Variants in WSCD1 observed in about 807,000 individuals in gnomAD.
WSCD1 encodes the protein WSC domain sialate O sulfotransferase 1, also known as sialate:O-sulfotransferase 1.
A neutral mutation model predicts 60.4 loss-of-function variants in WSCD1; 41 were observed. The observed-to-expected ratio is 0.68, with a 90% CI of 0.53 to 0.88. The LOEUF is 0.88. WSCD1 is among the 40% of genes least tolerant of loss of function. WSCD1 has a pLI of 0.00. For missense variants in WSCD1, 784 were observed against 796.2 expected, an observed-to-expected ratio of 0.98 and a Z score of 0.18; for synonymous variants, 361 against 332.5, an observed-to-expected ratio of 1.09 and a Z score of -0.93.
chr17:6,090,705 G>A (rs956234937), intron 4 of WSCD1, among the ~76,000 whole-genome samples, 200 bp downstream of exon 4: 2 of 152,158 alleles, frequency 1.3e-5, no homozygotes, highest in African/African-American at 4.8e-5. Flanking sequence ...AACTGCTTGA[G>A]TTCATGACTG....
intron 5 of WSCD1, among the ~76,000 whole-genome samples, chr17:6,102,312 C>A (rs939509846): frequency 6.6e-6 from 1 of 152,200 alleles, no homozygotes; most frequent in Non-Finnish European, 1.5e-5. Flanking sequence ...TCCAAGGTAG[C>A]CTTATGGTCT....
At position 6,090,106 on chromosome 17, in the gene WSCD1, G is replaced by A. The variant is rs377134452; in HGVS notation, c.543-215G>A. 2.3e-3 allele frequency among the ~76,000 whole-genome samples: 353 copies of A among 152,292 alleles called. 2 individuals are homozygous for A. Among genetic ancestry groups the A allele is most frequent in the African/African-American group, 8.1e-3 (337 of 41,546 alleles). On this transcript the variant is annotated intron_variant, in intron 3 of 8. Transcript: ENST00000317744. ...TATACAGATGGAGAATCTGAGGCTG[G>A]AGAAAGAAAAGACAAGGTCCTTACG...
chr17:6,121,361 GC>G lies in WSCD1; in HGVS notation c.*706del. Reference sequence around the variant, plus strand: ...TGCACCATGGGCAGGGTTGAGGACTGCCCCCCACCCCGCCCAAGCCAATGCA... The same window carrying G: ...TGCACCATGGGCAGGGTTGAGGACTGCCCCCACCCCGCCCAAGCCAATGCA... On this transcript the variant is annotated 3_prime_UTR_variant, in exon 9 of 9. Coordinates refer to ENST00000317744, the MANE Select transcript of WSCD1 (RefSeq NM_015253.2). 6.5e-6 allele frequency: 1 copy of G among 152,864 alleles called. No individual in the cohort carries two copies. Among genetic ancestry groups the G allele is most frequent in the Non-Finnish European group, 1.5e-5 (1 of 68,538 alleles). The allele number at this position is 152,864 out of a possible 1,614,324, so 9.5% of individuals were successfully genotyped here.
chr17:6,070,983 G>C (rs1013296501), intron 1 of WSCD1: 3 of 152,184 alleles, frequency 2.0e-5, no homozygotes, highest in African/African-American at 7.2e-5. Flanking sequence ...TCACCCGGGA[G>C]GGCGCTGCGG....
chr17:6,120,525 G>T lies in WSCD1; in HGVS notation c.1592G>T (p.Arg531Leu), dbSNP rs561880749. Residue 531 changes from arginine (R) to leucine (L), a missense_variant, in exon 9 of 9, where the codon CGC becomes CTC. By Grantham distance (102) the Arg-to-Leu change is moderately radical. Coordinates refer to ENST00000317744, the MANE Select transcript of WSCD1 (RefSeq NM_015253.2). ...ENNKEGSFRR[R>L]GRRSHDPEPF... ...AACAAGGAGGGCAGCTTCCGGCGGC[G>T]CGGCCGGCGCTCCCACGACCCTGAG... 9 of 1,613,616 alleles carry T rather than the reference G, an allele frequency of 5.6e-6. No individual in the cohort carries two copies. Among genetic ancestry groups the T allele is most frequent in the Non-Finnish European group, 6.8e-6 (8 of 1,179,994 alleles).
At chr17:6,096,857 C>T (rs978488234) in intron 5 of WSCD1, among the ~76,000 whole-genome samples, 6 of 152,202 alleles carry the variant, frequency 3.9e-5, no homozygotes, top group Non-Finnish European at 8.8e-5. Flanking sequence ...TGGTCCAGAC[C>T]AGGCTGGAGG....
intron 6 of WSCD1, 94 bp downstream of exon 6, chr17:6,109,860 A>G (rs1453767963): frequency 2.7e-6 from 4 of 1,503,140 alleles, no homozygotes; most frequent in East Asian, 4.6e-5. Context: ...CCAAGCATGC[A>G]GTTATGAGGT....
rs1904768073 is a variant in WSCD1, at chr17:6,122,385, C to G, written c.*1724C>G. 6.6e-6 allele frequency: 1 copy of G among 152,256 alleles called. No homozygotes were observed. Among genetic ancestry groups the G allele is most frequent in the Admixed American group, 6.5e-5 (1 of 15,288 alleles). 9.4% of individuals were successfully genotyped at this position (152,256 alleles called of 1,614,324 possible). A position where few individuals can be genotyped will look rare whatever the true frequency, so the allele number is the denominator to read the frequency against. ...CACACTGATGCGAAGCTGTTCTTGA[C>G]CCTCCCATAGCATCAACTCAGTTCA... On this transcript the variant is annotated 3_prime_UTR_variant, in exon 9 of 9. Coordinates refer to ENST00000317744, the MANE Select transcript of WSCD1 (RefSeq NM_015253.2).
At position 6,120,992 on chromosome 17, in the gene WSCD1, G is replaced by A. The variant is rs774159980; in HGVS notation, c.*331G>A. On this transcript the variant is annotated 3_prime_UTR_variant, in exon 9 of 9. Coordinates refer to ENST00000317744, the MANE Select transcript of WSCD1 (RefSeq NM_015253.2). ...GATACAAATGCAGCCACGCACAGAC[G>A]TAACACACAGGTGCCAGGCCGTGTG... 11 of 333,540 alleles carry A rather than the reference G, an allele frequency of 3.3e-5. No individual in the cohort carries two copies. The highest frequency in any genetic ancestry group is 6.1e-5 in the Non-Finnish European group (11 of 179,170). The allele number at this position is 333,540 out of a possible 1,614,324, so 20.7% of individuals were successfully genotyped here. A position where few individuals can be genotyped will look rare whatever the true frequency, so the allele number is the denominator to read the frequency against.
intron 1 of WSCD1, among the ~76,000 whole-genome samples, chr17:6,078,342 G>C (rs149261398): frequency 1.3e-3 from 201 of 152,326 alleles, no homozygotes; most frequent in African/African-American, 4.7e-3. Context: ...CCGGGATGGT[G>C]AGTGCTGGGC....
intron 5 of WSCD1, among the ~76,000 whole-genome samples, chr17:6,106,088 T>C (rs1463788824): frequency 6.6e-6 from 1 of 152,240 alleles, no homozygotes; most frequent in Non-Finnish European, 1.5e-5. Context: ...ATCTGCCATG[T>C]GCAAGGCACT....
intron 4 of WSCD1, among the ~76,000 whole-genome samples, chr17:6,092,254 G>T (rs528966992): frequency 6.6e-6 from 1 of 151,628 alleles, no homozygotes; most frequent in African/African-American, 2.4e-5. Flanking sequence ...CACAGAAGCC[G>T]AGCCCTGAGA....
In WSCD1 at chr17:6,083,128, C is replaced by T. The variant is rs530964250; in HGVS notation, c.427+2043C>T. Among the ~76,000 whole-genome samples, 32 of 152,328 alleles carry T rather than the reference C, an allele frequency of 2.1e-4. 1 individual carries two copies. The South Asian group carries it at 6.4e-3, about 31-fold the overall frequency. The stretch of plus-strand genomic sequence containing the variant: ...CACACCAAGAGACTGGGTCTCTGTG[C>T]AGGTTTTATCAGTGAAACTTCTTTG... On this transcript the variant is annotated intron_variant, in intron 2 of 8. Transcript: ENST00000317744.
intron 5 of WSCD1, among the ~76,000 whole-genome samples, chr17:6,105,698 G>A (rs1911048052): frequency 6.6e-6 from 1 of 152,076 alleles, no homozygotes; most frequent in Admixed American, 6.5e-5. Flanking sequence ...ACTGCTGGGG[G>A]CAGCCCATTC....
At chr17:6,071,346 T>C (rs890738444) in intron 1 of WSCD1, among the ~76,000 whole-genome samples, 2 of 152,156 alleles carry the variant, frequency 1.3e-5, no homozygotes, top group Admixed American at 6.5e-5. Context: ...TCCTGAGCAT[T>C]TGTGCGCCTG....
At chr17:6,089,027 C>T (rs1909847396) in intron 3 of WSCD1, among the ~76,000 whole-genome samples, 2 of 152,126 alleles carry the variant, frequency 1.3e-5, no homozygotes, top group Admixed American at 1.3e-4. Context: ...CATGATCTGC[C>T]CGCCTCAGCC....
Position 6,120,727 on chromosome 17 carries a change from C to T in WSCD1, c.*66C>T. On this transcript the variant is annotated 3_prime_UTR_variant, in exon 9 of 9. Transcript: ENST00000317744. ...TCGCACCACGGGGCTGCGCTCCCCA[C>T]TCTGATGCTCAGGCCCGTGGCCTCA... 6.6e-7 allele frequency: 1 copy of T among 1,509,648 alleles called. No individual in the cohort carries two copies. The highest frequency in any genetic ancestry group is 9.0e-7 in the Non-Finnish European group (1 of 1,116,652). The allele number at this position is 1,509,648 out of a possible 1,614,324, so 93.5% of individuals were successfully genotyped here.
Position 6,109,734 on chromosome 17 carries a change from A to G in WSCD1, c.977A>G (p.Glu326Gly). The change falls in exon 6 of 9, where the codon GAA (glutamate) becomes GGA (glycine). Residue 326 changes from glutamate to glycine, a missense_variant. By Grantham distance (98) the Glu-to-Gly change is moderately conservative. Coordinates refer to ENST00000317744, the MANE Select transcript of WSCD1 (RefSeq NM_015253.2). ...GQDPEAQRLAEYCEVYQTPVQ... is the reference protein window; with the variant it reads ...GQDPEAQRLAGYCEVYQTPVQ... ...GACCCTGAGGCACAGAGGCTGGCAGAATACTGTGAGGTCTACCAGACACCT... is the reference window on the plus strand; with the variant it reads ...GACCCTGAGGCACAGAGGCTGGCAGGATACTGTGAGGTCTACCAGACACCT... 6.2e-7 allele frequency: 1 copy of G among 1,614,082 alleles called. No individual in the cohort carries two copies. The highest frequency in any genetic ancestry group is 8.5e-7 in the Non-Finnish European group (1 of 1,179,968).
chr17:6,117,420 C>G (rs1904354149), intron 7 of WSCD1, among the ~76,000 whole-genome samples: 1 of 152,204 alleles, frequency 6.6e-6, no homozygotes, highest in Non-Finnish European at 1.5e-5. Flanking sequence ...CTGCTCACAG[C>G]CATTGAATCT....
Sources: gnomAD v4.1 joint callset for allele counts (sites outside exome capture counted in the v4.1 genomes callset) on GRCh38, gnomAD v4.1.1 for gene constraint, MANE v1.5 for transcripts, NCBI Gene and HGNC (gene_info 2026-07-23, HGNC 2026-07-21) for gene names.